NLRP4: variants seen among roughly 807,000 people sequenced by gnomAD.
NLRP4 encodes the protein NACHT, LRR and PYD domains-containing protein 4.
A neutral mutation model predicts 84.7 loss-of-function variants in NLRP4; 44 were observed. That is an observed-to-expected ratio of 0.52 (90% CI 0.41 to 0.67). The LOEUF (loss-of-function observed/expected upper bound fraction) is 0.67, where lower values mean the gene tolerates loss of function less well. NLRP4 is among the 30% of genes least tolerant of loss of function. The pLI, the probability that NLRP4 is intolerant of heterozygous loss-of-function variation, is 0.00. For synonymous variants in NLRP4, 544 were observed against 476.4 expected, an observed-to-expected ratio of 1.14 and a Z score of -1.85; for missense variants, 1,260 against 1,219.4, an observed-to-expected ratio of 1.03 and a Z score of -0.50.
Position 55,858,910 on chromosome 19 carries a change from T to C in NLRP4, c.1517T>C (p.Leu506Pro), listed in dbSNP as rs750552200. 3.1e-6 allele frequency: 5 copies of C among 1,614,126 alleles called. No homozygotes were observed. The South Asian group carries it at 5.5e-5, about 18-fold the overall frequency. ...WIFLGCFLTG[L>P]LNKKEQEKLD... ...TTTTTGGGGTGTTTTCTAACTGGCCTTTTAAATAAAAAGGAACAAGAAAAA... is the reference window on the plus strand; with the variant it reads ...TTTTTGGGGTGTTTTCTAACTGGCCCTTTAAATAAAAAGGAACAAGAAAAA... Residue 506 changes from leucine to proline, a missense_variant, in exon 3 of 10, where the codon CTT becomes CCT. By Grantham distance (98) the Leu-to-Pro change is moderately conservative. This residue lies in a region of NLRP4 where 712 missense variants were observed against 669.2 expected (regional missense o/e 1.06). Coordinates refer to ENST00000301295, the MANE Select transcript of NLRP4 (RefSeq NM_134444.5). The surrounding 1 kb of genome is among the most constrained non-coding windows in gnomAD (Gnocchi z 4.2).
Position 55,859,153 on chromosome 19 carries a change from T to C in NLRP4, c.1760T>C (p.Val587Ala), listed in dbSNP as rs751342478. The C allele has an allele frequency of 5.9e-5, 96 of 1,613,812 alleles. No homozygotes were observed. Among genetic ancestry groups the C allele is most frequent in the Non-Finnish European group, 7.9e-5 (93 of 1,179,810 alleles). ...CATATTATTGACAACGTGGACTTGG[T>C]GGTTTCTGCCTACTGCTTAAAATAC... The part of the protein sequence containing the change: ...NFHIIDNVDL[V>A]VSAYCLKYCS... The change falls in exon 3 of 10, where the codon GTG becomes GCG. Residue 587 changes from valine to alanine, a missense_variant. Transcript: ENST00000301295.
chr19:55,849,302 G>T (rs1402041195), intron 1 of NLRP4, among the ~76,000 whole-genome samples: 1 of 152,154 alleles, frequency 6.6e-6, no homozygotes, highest in Non-Finnish European at 1.5e-5. Context: ...TGTATCGATT[G>T]CCACTAGGGT....
intron 7 of NLRP4, among the ~76,000 whole-genome samples, chr19:55,873,901 A>T (rs1985279177): frequency 6.6e-6 from 1 of 152,182 alleles, no homozygotes; most frequent in Non-Finnish European, 1.5e-5. Context: ...TATACTTTGC[A>T]ACAAACTCAG....
rs150841636 is a variant in NLRP4, at chr19:55,870,860, C to T, written c.2388C>T (p.Cys796=). The change falls in exon 7 of 10, where the codon TGC becomes TGT. Residue 796 remains cysteine, a synonymous_variant. Coordinates refer to ENST00000301295, the MANE Select transcript of NLRP4 (RefSeq NM_134444.5). ...LAFCHLSEQC[C]EYISEMLLRN... ...TCTGCCACCTCAGCGAGCAGTGCTG[C>T]GAATACATCTCTGAAATGCTTCTGC... is the stretch of plus-strand genomic sequence containing the variant. The T allele has an allele frequency of 1.9e-5, 31 of 1,614,060 alleles. No homozygotes were observed. The highest frequency in any genetic ancestry group is 1.7e-4 in the Middle Eastern group (1 of 6,060).
chr19:55,853,128 A>G (rs1984235001), intron 2 of NLRP4, among the ~76,000 whole-genome samples: 1 of 152,260 alleles, frequency 6.6e-6, no homozygotes, highest in African/African-American at 2.4e-5. Flanking sequence ...TTATCCTGGC[A>G]TAAGGTGTTA....
rs1323688197 is a variant in NLRP4, at chr19:55,878,775, A to G, written c.2697-19A>G. On this transcript the variant is annotated intron_variant, in intron 8 of 9. Coordinates refer to ENST00000301295, the MANE Select transcript of NLRP4 (RefSeq NM_134444.5). ...CCTGAGGCTGGGGCCGCATCTTACC[A>G]TGTGTCTTTTTATTGCAGGTTGGAA... is the stretch of plus-strand genomic sequence containing the variant. The G allele has an allele frequency of 1.9e-6, 3 of 1,603,618 alleles. No homozygotes were observed. The highest frequency in any genetic ancestry group is 2.7e-5 in the African/African-American group (2 of 74,808).
At position 55,859,152 on chromosome 19, in the gene NLRP4, G is replaced by T; in HGVS notation, c.1759G>T (p.Val587Leu). 6.2e-7 allele frequency: 1 copy of T among 1,613,908 alleles called. No individual in the cohort carries two copies. Among genetic ancestry groups the T allele is most frequent in the Non-Finnish European group, 8.5e-7 (1 of 1,179,802 alleles). ...NFHIIDNVDL[V>L]VSAYCLKYCS... is the part of the protein sequence containing the mutation. ...TCATATTATTGACAACGTGGACTTG[G>T]TGGTTTCTGCCTACTGCTTAAAATA... The change falls in exon 3 of 10, where the codon GTG (valine) becomes TTG (leucine). Residue 587 changes from valine to leucine, a missense_variant. Physicochemically the swap from Val to Leu is conservative, Grantham distance 32 (BLOSUM62 1). This residue lies in a region of NLRP4 where 544 missense variants were observed against 531.7 expected (regional missense o/e 1.02). Coordinates refer to ENST00000301295, the MANE Select transcript of NLRP4 (RefSeq NM_134444.5).
At chr19:55,846,535 C>T (rs1983801475) in intron 1 of NLRP4, among the ~76,000 whole-genome samples, 1 of 152,148 alleles carries the variant, frequency 6.6e-6, no homozygotes, top group Admixed American at 6.5e-5. Flanking sequence ...CAAATCTGGG[C>T]ATGCGTCAAA....
intron 6 of NLRP4, among the ~76,000 whole-genome samples, chr19:55,869,968 T>A (rs1271246119): frequency 6.6e-6 from 1 of 151,970 alleles, no homozygotes; most frequent in Admixed American, 6.5e-5. Flanking sequence ...CACGCACCTG[T>A]AGTCTCAGCT....
intron 1 of NLRP4, among the ~76,000 whole-genome samples, chr19:55,840,009 G>A (rs1209143804): frequency 6.6e-6 from 1 of 152,006 alleles, no homozygotes; most frequent in African/African-American, 2.4e-5. Context: ...TCATTTCATT[G>A]TCAAATTCTG....
At chr19:55,865,191 A>G (rs550629409) in intron 5 of NLRP4, among the ~76,000 whole-genome samples, 27 of 152,174 alleles carry the variant, frequency 1.8e-4, no homozygotes, top group Admixed American at 1.6e-3. Flanking sequence ...CTTCATGTCT[A>G]TATGTACTCA....
intron 2 of NLRP4, among the ~76,000 whole-genome samples, chr19:55,856,511 CTT>C (rs71182923): frequency 0.072 from 8,095 of 111,726 alleles, 163 homozygotes; most frequent in Non-Finnish European, 0.093. Context: ...GTTGCTGGAT[CTT>C]TTTTTTTTTT....
intron 1 of NLRP4, among the ~76,000 whole-genome samples, chr19:55,851,804 T>A (rs896257444): frequency 1.3e-5 from 2 of 152,190 alleles, no homozygotes; most frequent in African/African-American, 4.8e-5. Flanking sequence ...CAGGTGACTA[T>A]AGGATTCTTG....
intron 7 of NLRP4, among the ~76,000 whole-genome samples, chr19:55,871,351 A>C (rs971290257): frequency 6.6e-6 from 1 of 152,206 alleles, no homozygotes; most frequent in Non-Finnish European, 1.5e-5. Context: ...TAAAGCCAAA[A>C]TTCCAGGTAG....
intron 7 of NLRP4, among the ~76,000 whole-genome samples, chr19:55,876,667 T>C (rs1444927031): frequency 6.6e-6 from 1 of 152,170 alleles, no homozygotes; most frequent in Admixed American, 6.5e-5. Flanking sequence ...CTGGCCTATA[T>C]AGTGTTTGCA....
At position 55,859,204 on chromosome 19, in the gene NLRP4, T is replaced by G. The variant is rs1984614506; in HGVS notation, c.1811T>G (p.Phe604Cys). Residue 604 changes from phenylalanine to cysteine, a missense_variant, in exon 3 of 10, where the codon TTT (phenylalanine) becomes TGT (cysteine). Physicochemically the swap from Phe to Cys is radical, Grantham distance 205. Coordinates refer to ENST00000301295, the MANE Select transcript of NLRP4 (RefSeq NM_134444.5). ...KYCSSLRKLC[F>C]SVQNVFKKED... is the part of the protein sequence containing the mutation. ...TGCTCCAGCTTGAGGAAACTCTGTT[T>G]TTCCGTTCAAAATGTCTTTAAGAAA... is the stretch of plus-strand genomic sequence containing the variant. The G allele has an allele frequency of 1.9e-6, 3 of 1,607,560 alleles. No homozygotes were observed. The highest frequency in any genetic ancestry group is 1.7e-6 in the Non-Finnish European group (2 of 1,174,504).
chr19:55,852,245 T>G lies in NLRP4; in HGVS notation c.165T>G (p.Leu55=). The G allele has an allele frequency of 1.2e-6, 2 of 1,609,724 alleles. No individual in the cohort carries two copies. ...TEVKKASREE[L]ANLLIKHYEE... The stretch of plus-strand genomic sequence containing the variant: ...TCAAAAAAGCATCCCGGGAAGAACT[T>G]GCAAACCTCTTGATCAAGCACTATG... The change falls in exon 2 of 10, where the codon CTT becomes CTG. Residue 55 remains leucine, a synonymous_variant. Transcript: ENST00000301295.
At chr19:55,840,718 G>A (rs1568653752) in intron 1 of NLRP4, among the ~76,000 whole-genome samples, 1 of 152,068 alleles carries the variant, frequency 6.6e-6, no homozygotes, top group Non-Finnish European at 1.5e-5. Flanking sequence ...ATATTTTAAG[G>A]CTGTGTTATT....
rs1034559877 is a variant in NLRP4, at chr19:55,861,939, A to G, written c.2019-53A>G. ...TGATGAGAGACAAACACAGGTGTGC[A>G]GGCTGTGCTCCCATTAGATGAAACT... On this transcript the variant is annotated intron_variant, in intron 4 of 9. Coordinates refer to ENST00000301295, the MANE Select transcript of NLRP4 (RefSeq NM_134444.5). 19 of 1,184,986 alleles carry G rather than the reference A, an allele frequency of 1.6e-5. 1 individual carries two copies. The highest frequency in any genetic ancestry group is 2.4e-5 in the Non-Finnish European group (19 of 792,358). 73.4% of individuals were successfully genotyped at this position (1,184,986 alleles called of 1,614,324 possible). A position where few individuals can be genotyped will look rare whatever the true frequency, so the allele number is the denominator to read the frequency against.
Sources: gnomAD v4.1 joint callset for allele counts (sites outside exome capture counted in the v4.1 genomes callset) on GRCh38, gnomAD v4.1.1 for gene constraint, gnomAD v4.1.1 regional missense constraint, Gnocchi (gnomAD v3.1) non-coding constraint, MANE v1.5 for transcripts, NCBI Gene and HGNC (gene_info 2026-07-23, HGNC 2026-07-21) for gene names.